IPP: variants seen among roughly 807,000 people sequenced by gnomAD.
IPP encodes actin-binding protein IPP.
In IPP, 41 loss-of-function variants were observed where a neutral mutation model predicts 64.1. The ratio of observed to expected loss-of-function variants is 0.64; its 90% CI spans 0.50 to 0.83. The LOEUF (loss-of-function observed/expected upper bound fraction) is 0.83. Among genes scored for constraint, IPP ranks in the 40% least tolerant of loss-of-function variants. The pLI, the probability that IPP is intolerant of heterozygous loss-of-function variation, is 0.00. For synonymous variants in IPP, 214 were observed against 235.2 expected (o/e 0.91, Z 0.83); for missense variants, 649 against 703.0 (o/e 0.92, Z 0.87).
chr1:45,739,142 T>C (rs1241244402), intron 3 of IPP, among the ~76,000 whole-genome samples: 1 of 152,200 alleles, frequency 6.6e-6, no homozygotes, highest in East Asian at 1.9e-4. Context: ...TTAAATTATG[T>C]ATTTACAGAA....
At chr1:45,732,825 C>T (rs1046518364) in intron 3 of IPP, among the ~76,000 whole-genome samples, 6 of 151,964 alleles carry the variant, frequency 3.9e-5, no homozygotes, top group Non-Finnish European at 7.4e-5. Context: ...CACCCCCACG[C>T]CTGGCTAATT....
chr1:45,748,255 C>T (rs10890345), intron 1 of IPP, among the ~76,000 whole-genome samples: 42,785 of 152,008 alleles, frequency 0.28, 6,152 homozygotes, highest in South Asian at 0.36. Flanking sequence ...AAATATCACA[C>T]TGTACCTCAT....
chr1:45,701,845 T>A (rs1645459348), intron 8 of IPP, among the ~76,000 whole-genome samples: 1 of 152,202 alleles, frequency 6.6e-6, no homozygotes, highest in African/African-American at 2.4e-5. Context: ...ACATAGGTAC[T>A]AGGATAGTGC....
downstream of IPP, among the ~76,000 whole-genome samples, chr1:45,696,287 A>G (rs1049541561): frequency 1.3e-5 from 2 of 152,234 alleles, no homozygotes; most frequent in African/African-American, 2.4e-5. Context: ...ATTGTTAAAC[A>G]TTTTGGAGGT....
chr1:45,740,442 G>A (rs535032536), intron 3 of IPP, among the ~76,000 whole-genome samples: 1 of 152,088 alleles, frequency 6.6e-6, no homozygotes, highest in Non-Finnish European at 1.5e-5. Context: ...GCGGCTGGCC[G>A]GGCGGGGGGC....
intron 5 of IPP, among the ~76,000 whole-genome samples, chr1:45,723,385 A>G (rs891979690): frequency 2.0e-5 from 3 of 152,232 alleles, no homozygotes; most frequent in Non-Finnish European, 4.4e-5. Flanking sequence ...ATTAATAGCT[A>G]GTGAAGTCAT....
chr1:45,706,548 G>A (rs1645515132), intron 8 of IPP, among the ~76,000 whole-genome samples: 1 of 152,078 alleles, frequency 6.6e-6, no homozygotes, highest in Non-Finnish European at 1.5e-5. Context: ...CTTCCAGGTT[G>A]AAACGATTCT....
chr1:45,718,747 C>A (rs1463904474), intron 6 of IPP, among the ~76,000 whole-genome samples: 2 of 152,068 alleles, frequency 1.3e-5, no homozygotes, highest in African/African-American at 2.4e-5. Flanking sequence ...TATTAGCTAT[C>A]TTTATAAACA....
chr1:45,717,108 T>C, intron 6 of IPP, 91 bp from the exon 7 acceptor site: 2 of 1,175,966 alleles, frequency 1.7e-6, no homozygotes, highest in Non-Finnish European at 2.5e-6. Context: ...AAATACTTCA[T>C]ATTATAGATA....
rs760565851 is a variant in IPP, at chr1:45,727,671, C to A, written c.1008G>T (p.Leu336=). The A allele has an allele frequency of 6.3e-7, 1 of 1,593,554 alleles. No individual in the cohort carries two copies. Among genetic ancestry groups the A allele is most frequent in the Non-Finnish European group, 8.6e-7 (1 of 1,164,766 alleles). The change falls in exon 5 of 9, where the codon CTG becomes CTT. Residue 336 remains leucine, a synonymous_variant. Transcript: ENST00000396478. ...VSSLHQARSG[L]GVTVLGGMVY... ...CCATCCCTCCCAGAACTGTTACTCC[C>A]AGCCCACTTCGAGCCTGATGAAGTG...
intron 8 of IPP, among the ~76,000 whole-genome samples, chr1:45,702,987 C>G (rs1645473787): frequency 1.3e-5 from 2 of 152,054 alleles, no homozygotes; most frequent in Non-Finnish European, 2.9e-5. Flanking sequence ...ATTCTTGCCA[C>G]TTCAACATTG....
At chr1:45,698,174 C>A (rs1200939092), downstream of IPP, 1 of 152,050 alleles carries the variant, frequency 6.6e-6, no homozygotes, top group Non-Finnish European at 1.5e-5. Context: ...CGCCTGTAAT[C>A]CCAGCTACTT....
intron 8 of IPP, among the ~76,000 whole-genome samples, chr1:45,700,419 G>A (rs1008973356): frequency 1.3e-5 from 2 of 151,800 alleles, no homozygotes; most frequent in Non-Finnish European, 2.9e-5. Flanking sequence ...TCGGCTCAGC[G>A]CAGCCTCAAC....
intron 2 of IPP, among the ~76,000 whole-genome samples, chr1:45,742,855 A>G (rs1243117597): frequency 1.3e-5 from 2 of 152,046 alleles, no homozygotes; most frequent in Non-Finnish European, 1.5e-5. Flanking sequence ...CCAATAATCT[A>G]TAACATAAGA....
At chr1:45,742,717 T>G (rs1347935778) in intron 2 of IPP, among the ~76,000 whole-genome samples, 2 of 151,940 alleles carry the variant, frequency 1.3e-5, no homozygotes, top group African/African-American at 4.8e-5. Context: ...GTGGTTTTTT[T>G]TTTAGAGACA....
chr1:45,740,495 G>A (rs920279368), intron 3 of IPP, among the ~76,000 whole-genome samples: 18 of 152,046 alleles, frequency 1.2e-4, no homozygotes, highest in African/African-American at 4.3e-4. Context: ...CTGGCCGGGC[G>A]GGGGGCTGAC....
At chr1:45,704,181 T>C (rs982807111) in intron 8 of IPP, among the ~76,000 whole-genome samples, 2 of 151,996 alleles carry the variant, frequency 1.3e-5, no homozygotes, top group African/African-American at 4.8e-5. Context: ...GGTAAGAAAA[T>C]TGGCTTCATT....
intron 5 of IPP, among the ~76,000 whole-genome samples, chr1:45,722,610 TAATAAC>T (rs1009163423): frequency 4.4e-4 from 67 of 152,106 alleles, no homozygotes; most frequent in Admixed American, 1.8e-3. Context: ...AAGAAAAAGT[TAATAAC>T]AATATATATC....
chr1:45,726,804 ACCTCCG>A (rs1645834590), intron 5 of IPP, among the ~76,000 whole-genome samples: 1 of 150,210 alleles, frequency 6.7e-6, no homozygotes, highest in Admixed American at 6.7e-5. Context: ...GCTTACTGCA[ACCTCCG>A]CCTCCCGGGT....
Sources: allele counts gnomAD v4.1 joint callset (sites outside exome capture counted in the v4.1 genomes callset), GRCh38; gene constraint gnomAD v4.1.1; transcripts MANE v1.5; gene names NCBI Gene and HGNC (gene_info 2026-07-23, HGNC 2026-07-21).